The following HEPHL1 variants were observed in gnomAD, a reference collection of about 807,000 sequenced individuals.
HEPHL1 encodes hephaestin like 1, also known as ferroxidase HEPHL1.
A neutral mutation model predicts 122.0 loss-of-function variants in HEPHL1; 123 were observed. That is an observed-to-expected ratio of 1.01 (90% CI 0.87 to 1.17). The LOEUF is 1.17. Ranked by LOEUF, HEPHL1 falls within the 50% of genes most tolerant of loss-of-function variation. The pLI, the probability that HEPHL1 is intolerant of heterozygous loss-of-function variation, is 0.00. For synonymous variants in HEPHL1, 527 were observed against 508.9 expected, an observed-to-expected ratio of 1.04 and a Z score of -0.48; for missense variants, 1,452 against 1,430.5, an observed-to-expected ratio of 1.01 and a Z score of -0.24.
intron 17 of HEPHL1, among the ~76,000 whole-genome samples, chr11:94,109,057 A>G (rs936387989): frequency 3.3e-5 from 5 of 152,098 alleles, no homozygotes; most frequent in Non-Finnish European, 7.4e-5. Context: ...GTAGTTTTCA[A>G]TATAGAGATC....
intron 1 of HEPHL1, among the ~76,000 whole-genome samples, chr11:94,024,881 G>A (rs1346235634): frequency 6.6e-6 from 1 of 152,106 alleles, no homozygotes; most frequent in Admixed American, 6.5e-5. Flanking sequence ...TCCTATGGAG[G>A]ATCCAGTACA....
intron 17 of HEPHL1, among the ~76,000 whole-genome samples, chr11:94,110,256 T>A (rs565387612): frequency 8.5e-5 from 13 of 152,348 alleles, no homozygotes; most frequent in African/African-American, 2.9e-4. Flanking sequence ...TATTGCTGCA[T>A]AACAAATTAC....
intron 1 of HEPHL1, among the ~76,000 whole-genome samples, chr11:94,029,931 G>A (rs1156643762): frequency 2.0e-5 from 3 of 152,152 alleles, no homozygotes; most frequent in Admixed American, 6.5e-5. Context: ...TTGGGCAGAG[G>A]TGGGGTCAGG....
intron 9 of HEPHL1, among the ~76,000 whole-genome samples, chr11:94,076,068 G>A (rs1218193000): frequency 6.6e-6 from 1 of 152,032 alleles, no homozygotes; most frequent in African/African-American, 2.4e-5. Flanking sequence ...TATTTAAATG[G>A]TATATTTTAT....
chr11:94,086,510 C>T (rs1033466183), intron 11 of HEPHL1, among the ~76,000 whole-genome samples: 2 of 152,236 alleles, frequency 1.3e-5, no homozygotes, highest in African/African-American at 4.8e-5. Flanking sequence ...GTTTTGCTCT[C>T]ATTGAGCATG....
intron 13 of HEPHL1, 67 bp downstream of exon 13, chr11:94,093,707 T>G: frequency 6.7e-7 from 1 of 1,503,222 alleles, no homozygotes; most frequent in Non-Finnish European, 9.0e-7. Context: ...ACTCATGTGT[T>G]CTGTTACACT....
chr11:94,037,196 C>T (rs929200867), intron 1 of HEPHL1, among the ~76,000 whole-genome samples: 24 of 152,330 alleles, frequency 1.6e-4, no homozygotes, highest in South Asian at 4.1e-4. Context: ...GATTATATCC[C>T]GCACCTGGCT....
chr11:94,048,650 C>G (rs895038182), intron 2 of HEPHL1, among the ~76,000 whole-genome samples: 1 of 152,150 alleles, frequency 6.6e-6, no homozygotes, highest in East Asian at 1.9e-4. Context: ...TAATGAGCCA[C>G]TGTGCCCAGC....
rs776169161 is a variant in HEPHL1 at position 94,073,341 on chromosome 11, T to C, written c.1406T>C (p.Leu469Pro). 6.8e-6 allele frequency: 11 copies of C among 1,606,920 alleles called. No individual in the cohort carries two copies. The highest frequency in any genetic ancestry group is 8.5e-7 in the Non-Finnish European group (1 of 1,176,512). ...PVIKAEVGDT[L>P]LVTFANKADK... ...ATCAAGGCAGAGGTGGGTGATACCC[T>C]GTTAGTGACCTTTGCCAACAAAGCC... The change falls in exon 8 of 20, where the codon CTG (leucine) becomes CCG (proline). Residue 469 changes from leucine (L) to proline (P), a missense_variant. Coordinates refer to ENST00000315765, the MANE Select transcript of HEPHL1 (RefSeq NM_001098672.2).
chr11:94,101,284 G>A lies in HEPHL1; in HGVS notation c.2524G>A (p.Val842Met), dbSNP rs776446095. 29 of 1,613,926 alleles carry A rather than the reference G, an allele frequency of 1.8e-5. No individual in the cohort carries two copies. The highest frequency in any genetic ancestry group is 2.3e-5 in the Non-Finnish European group (27 of 1,179,812). ...SRPYSISAQGVEEMDSGKQFQ... is the reference protein window; with the variant it reads ...SRPYSISAQGMEEMDSGKQFQ... ...GCCCTACTCCATCTCAGCCCAGGGT[G>A]TGGAGGAGATGGATAGTGGAAAGCA... The change falls in exon 14 of 20, where the codon GTG becomes ATG. Residue 842 changes from valine to methionine, a missense_variant. Coordinates refer to ENST00000315765, the MANE Select transcript of HEPHL1 (RefSeq NM_001098672.2).
chr11:94,087,857 T>C (rs1946230812), intron 11 of HEPHL1, among the ~76,000 whole-genome samples: 1 of 152,214 alleles, frequency 6.6e-6, no homozygotes, highest in African/African-American at 2.4e-5. Context: ...AACTAGGCGA[T>C]GTTTAGACAA....
At chr11:94,072,355 A>C (rs900842702) in intron 6 of HEPHL1, among the ~76,000 whole-genome samples, 1 of 152,100 alleles carries the variant, frequency 6.6e-6, no homozygotes, top group Non-Finnish European at 1.5e-5. Context: ...CACAAGGAGG[A>C]TAGAAAAGGA....
intron 11 of HEPHL1, among the ~76,000 whole-genome samples, chr11:94,088,463 T>C (rs1306360335): frequency 6.6e-6 from 1 of 152,186 alleles, no homozygotes; most frequent in African/African-American, 2.4e-5. Context: ...TGTCTTCTAA[T>C]AGGTGTGAAT....
intron 13 of HEPHL1, among the ~76,000 whole-genome samples, chr11:94,098,058 A>G (rs866781595): frequency 1.3e-5 from 2 of 152,176 alleles, no homozygotes; most frequent in Non-Finnish European, 2.9e-5. Flanking sequence ...TCCTGTCATT[A>G]TGATGTTAGC....
chr11:94,086,226 C>A, intron 11 of HEPHL1, 37 bp downstream of exon 11: 1 of 1,489,962 alleles, frequency 6.7e-7, no homozygotes, highest in Non-Finnish European at 9.2e-7. Flanking sequence ...GACCAGATTT[C>A]TACCTTCAGG....
At chr11:94,078,524 T>C (rs1272473710) in intron 9 of HEPHL1, among the ~76,000 whole-genome samples, 2 of 148,610 alleles carry the variant, frequency 1.3e-5, no homozygotes, top group African/African-American at 5.0e-5. Context: ...AATTGGCTCA[T>C]ATGATTATGG....
At chr11:94,037,150 G>A (rs1408715211) in intron 1 of HEPHL1, among the ~76,000 whole-genome samples, 26 of 152,156 alleles carry the variant, frequency 1.7e-4, no homozygotes, top group African/African-American at 5.1e-4. Flanking sequence ...CGAATATTGC[G>A]CTTTTCAGAC....
At position 94,063,799 on chromosome 11, in the gene HEPHL1, C is replaced by T. The variant is rs528278829; in HGVS notation, c.628+79C>T. The T allele has an allele frequency of 3.3e-6, 4 of 1,198,442 alleles. No homozygotes were observed. The South Asian group carries it at 5.0e-5, about 15-fold the overall frequency. 74.2% of individuals were successfully genotyped at this position (1,198,442 alleles called of 1,614,324 possible). A position where few individuals can be genotyped will look rare whatever the true frequency, so the allele number is the denominator to read the frequency against. On this transcript the variant is annotated intron_variant, in intron 3 of 19. Coordinates refer to ENST00000315765, the MANE Select transcript of HEPHL1 (RefSeq NM_001098672.2). ...GGTCTTATTTTGCCTACCTCCTTTGCTCCACACAGAATGTGCCTCTTCCAA... is the reference window on the plus strand; with the variant it reads ...GGTCTTATTTTGCCTACCTCCTTTGTTCCACACAGAATGTGCCTCTTCCAA...
In HEPHL1 at chr11:94,070,273, A is replaced by G. The variant is rs1946063270; in HGVS notation, c.1064-101A>G. On this transcript the variant is annotated intron_variant, in intron 5 of 19. Coordinates refer to ENST00000315765, the MANE Select transcript of HEPHL1 (RefSeq NM_001098672.2). Reference sequence around the variant, plus strand: ...TTCTTTATGGTCCAATTTTCTGTACAGAAGCCTAAATGTTCAAGAGCCAAA... The same window carrying G: ...TTCTTTATGGTCCAATTTTCTGTACGGAAGCCTAAATGTTCAAGAGCCAAA... 3.3e-6 allele frequency: 4 copies of G among 1,202,026 alleles called. No individual in the cohort carries two copies. In the East Asian group the frequency reaches 1.1e-4, roughly 32 times the overall value. The allele number at this position is 1,202,026 out of a possible 1,614,324, so 74.5% of individuals were successfully genotyped here.
Sources: gnomAD v4.1 joint callset for allele counts (sites outside exome capture counted in the v4.1 genomes callset) on GRCh38, gnomAD v4.1.1 for gene constraint, MANE v1.5 for transcripts, NCBI Gene and HGNC (gene_info 2026-07-23, HGNC 2026-07-21) for gene names.